FBN1: variants seen among roughly 807,000 people sequenced by gnomAD.
The protein encoded by FBN1 is fibrillin 1, also known as fibrillin-1.
Under a neutral mutation model 365.1 loss-of-function variants are expected in FBN1, and 29 were observed. The ratio of observed to expected loss-of-function variants is 0.08; its 90% CI spans 0.06 to 0.11. The LOEUF (loss-of-function observed/expected upper bound fraction) is 0.11. Among genes scored for constraint, FBN1 ranks in the 10% least tolerant of loss-of-function variants. FBN1 has a pLI of 1.00. For missense variants in FBN1, 2,476 were observed against 3,703.2 expected (o/e 0.67, Z 8.60); for synonymous variants, 1,210 against 1,270.5 (o/e 0.95, Z 1.01).
intron 40 of FBN1, among the ~76,000 whole-genome samples, chr15:48,464,830 T>C (rs753966164): frequency 8.6e-5 from 13 of 151,970 alleles, no homozygotes; most frequent in Non-Finnish European, 1.6e-4. Context: ...AATGAAGGAG[T>C]TGATTCTAAT....
chr15:48,516,975 T>C lies in FBN1; in HGVS notation c.1148-613A>G, dbSNP rs916282367. Among the ~76,000 whole-genome samples the C allele has an allele frequency of 3.3e-5, 5 of 152,120 alleles. No homozygotes were observed. In the East Asian group the frequency reaches 9.6e-4, roughly 29 times the overall value. On this transcript the variant is annotated intron_variant, in intron 10 of 65. Transcript: ENST00000316623. ...GTGTAGTGTTCAGTGAAGTAGATTT[T>C]TGAGATAAATGTATAGTGCTCAGTG...
intron 6 of FBN1, among the ~76,000 whole-genome samples, chr15:48,594,171 A>C (rs2044500211): frequency 6.6e-6 from 1 of 152,216 alleles, no homozygotes; most frequent in Non-Finnish European, 1.5e-5. Context: ...AAGACTCTAC[A>C]AATGGAAATA....
intron 6 of FBN1, among the ~76,000 whole-genome samples, chr15:48,579,219 C>A (rs1005444344): frequency 5.3e-5 from 8 of 151,958 alleles, no homozygotes; most frequent in Non-Finnish European, 1.0e-4. Flanking sequence ...CTGGATGTAG[C>A]AATTAGAGCA....
chr15:48,470,433 C>T (rs1266338135), intron 36 of FBN1, among the ~76,000 whole-genome samples: 3 of 152,220 alleles, frequency 2.0e-5, no homozygotes, highest in African/African-American at 7.2e-5. Flanking sequence ...AACTGTGCTC[C>T]TTCAATTGTC....
chr15:48,606,024 G>A (rs1169997663), intron 4 of FBN1, among the ~76,000 whole-genome samples: 1 of 152,106 alleles, frequency 6.6e-6, no homozygotes, highest in Non-Finnish European at 1.5e-5. Context: ...CACAGTAAGA[G>A]ATGACTACAC....
At chr15:48,518,248 C>A (rs1302408500) in intron 10 of FBN1, among the ~76,000 whole-genome samples, 1 of 152,188 alleles carries the variant, frequency 6.6e-6, no homozygotes, top group Non-Finnish European at 1.5e-5. Flanking sequence ...CCATATCCAC[C>A]ATTCCCTGGG....
chr15:48,428,980 G>T (rs1485341514), intron 56 of FBN1, among the ~76,000 whole-genome samples: 2 of 152,262 alleles, frequency 1.3e-5, no homozygotes, highest in Middle Eastern at 3.4e-3. Flanking sequence ...TCCAGAGCTG[G>T]ATTATGCATA....
intron 17 of FBN1, among the ~76,000 whole-genome samples, chr15:48,499,261 A>G (rs984503086): frequency 3.9e-5 from 6 of 152,260 alleles, no homozygotes; most frequent in Non-Finnish European, 5.9e-5. Context: ...GGCAAGTTAT[A>G]GCAATTCCTT....
At chr15:48,423,103 T>C (rs1597514496) in intron 60 of FBN1, among the ~76,000 whole-genome samples, 1 of 152,344 alleles carries the variant, frequency 6.6e-6, no homozygotes, top group African/African-American at 2.4e-5. Flanking sequence ...TCAACTCCAA[T>C]GTTATTTCAA....
chr15:48,589,859 G>A (rs921661347), intron 6 of FBN1, among the ~76,000 whole-genome samples: 5 of 151,824 alleles, frequency 3.3e-5, no homozygotes, highest in Non-Finnish European at 1.5e-5. Context: ...CTCGTGATTC[G>A]CCTGCCCCGG....
chr15:48,444,904 A>G (rs539219890), intron 48 of FBN1, among the ~76,000 whole-genome samples: 37 of 119,314 alleles, frequency 3.1e-4, no homozygotes, highest in African/African-American at 1.2e-3. Context: ...AGAAAATTGT[A>G]GCATGTGAAA....
chr15:48,623,433 A>G lies in FBN1; in HGVS notation c.165-10341T>C, dbSNP rs1217295123. ...CTGATCAGTGAAGTTACCCATGTTT[A>G]TAACTCAGAAATCAATATTTTCCTT... On this transcript the variant is annotated intron_variant, in intron 2 of 65. Coordinates refer to ENST00000316623, the MANE Select transcript of FBN1 (RefSeq NM_000138.5). Among the ~76,000 whole-genome samples, 4 of 152,246 alleles carry G rather than the reference A, an allele frequency of 2.6e-5. No individual in the cohort carries two copies. The East Asian group carries it at 5.8e-4, about 22-fold the overall frequency.
intron 2 of FBN1, chr15:48,640,923 CTT>C (rs1890186585): frequency 6.6e-6 from 1 of 151,900 alleles, no homozygotes; most frequent in Non-Finnish European, 1.5e-5. Context: ...GTCTCCCACA[CTT>C]TTTGCCTAAT....
chr15:48,501,563 T>A (rs997565334), intron 17 of FBN1, among the ~76,000 whole-genome samples: 1 of 152,258 alleles, frequency 6.6e-6, no homozygotes, highest in African/African-American at 2.4e-5. Context: ...TAAAGAAATC[T>A]GGTCTTTTGG....
Position 48,481,727 on chromosome 15 carries a change from T to C in FBN1, c.3892A>G (p.Asn1298Asp). 3 of 1,613,858 alleles carry C rather than the reference T, an allele frequency of 1.9e-6. No individual in the cohort carries two copies. Among genetic ancestry groups the C allele is most frequent in the Non-Finnish European group, 2.5e-6 (3 of 1,179,774 alleles). The change falls in exon 32 of 66, where the codon AAC becomes GAC. Residue 1298 changes from asparagine to aspartate, a missense_variant. Physicochemically the swap from Asn to Asp is conservative, Grantham distance 23. Transcript: ENST00000316623. The part of the protein sequence containing the change: ...PNICLSGTCE[N>D]TKGSFICHCD... ...TGGCAGATAAATGAGCCTTTCGTGTTTTCACAGGTCCCACTTAGGCAGATA... is the reference window on the plus strand; with the variant it reads ...TGGCAGATAAATGAGCCTTTCGTGTCTTCACAGGTCCCACTTAGGCAGATA...
chr15:48,515,272 T>C (rs1487840268), intron 12 of FBN1, 115 bp downstream of exon 12: 3 of 1,128,410 alleles, frequency 2.7e-6, no homozygotes, highest in African/African-American at 3.1e-5. Context: ...TAAATTTGTA[T>C]TGTATTAAGC....
intron 29 of FBN1, among the ~76,000 whole-genome samples, chr15:48,486,513 T>C (rs1025702835): frequency 6.6e-6 from 1 of 152,188 alleles, no homozygotes; most frequent in Non-Finnish European, 1.5e-5. Context: ...AAAATTCTTG[T>C]CCCACAAAAA....
At chr15:48,519,748 C>G (rs1236479213) in intron 10 of FBN1, among the ~76,000 whole-genome samples, 1 of 152,120 alleles carries the variant, frequency 6.6e-6, no homozygotes, top group Non-Finnish European at 1.5e-5. Context: ...AATGAAAACT[C>G]AATCATATAA....
chr15:48,432,203 C>A (rs1336758273), intron 55 of FBN1, among the ~76,000 whole-genome samples: 1 of 152,014 alleles, frequency 6.6e-6, no homozygotes, highest in Non-Finnish European at 1.5e-5. Flanking sequence ...TGATTAGGAC[C>A]TTTCATTTAG....
Sources: allele counts gnomAD v4.1 joint callset (sites outside exome capture counted in the v4.1 genomes callset), GRCh38; gene constraint gnomAD v4.1.1; transcripts MANE v1.5; gene names NCBI Gene and HGNC (gene_info 2026-07-23, HGNC 2026-07-21).